The following KCNT2 variants were observed in gnomAD, a reference collection of about 807,000 sequenced individuals.
The protein encoded by KCNT2 is potassium channel subfamily T member 2.
In KCNT2, 67 loss-of-function variants were observed where a neutral mutation model predicts 153.8. The observed-to-expected ratio is 0.44, with a 90% CI of 0.36 to 0.53. The LOEUF is 0.53. KCNT2 is among the 20% of genes least tolerant of loss of function. The probability of loss-of-function intolerance (pLI) is 0.00; values close to 1 mark genes in which losing one functional copy is unlikely to be tolerated. For synonymous variants in KCNT2, 500 were observed against 458.8 expected, an observed-to-expected ratio of 1.09 and a Z score of -1.15; for missense variants, 975 against 1,354.8, an observed-to-expected ratio of 0.72 and a Z score of 4.40.
At chr1:196,419,489 C>T (rs1673023950) in intron 12 of KCNT2, among the ~76,000 whole-genome samples, 1 of 151,376 alleles carries the variant, frequency 6.6e-6, no homozygotes, top group African/African-American at 2.4e-5. Flanking sequence ...CAGCTGCATC[C>T]ATGTCCCTAC....
At chr1:196,416,067 C>T (rs1672729536) in intron 12 of KCNT2, among the ~76,000 whole-genome samples, 1 of 151,664 alleles carries the variant, frequency 6.6e-6, no homozygotes, top group Admixed American at 6.6e-5. Context: ...CTCCATCCCA[C>T]CCTGTCCCAC....
chr1:196,561,440 T>A (rs958994349), intron 1 of KCNT2, among the ~76,000 whole-genome samples: 7 of 151,176 alleles, frequency 4.6e-5, no homozygotes, highest in Admixed American at 1.3e-4. Context: ...ATCTCATATA[T>A]AAGATCAATA....
intron 8 of KCNT2, among the ~76,000 whole-genome samples, chr1:196,449,831 G>T (rs1328298378): frequency 6.6e-6 from 1 of 151,552 alleles, no homozygotes; most frequent in African/African-American, 2.4e-5. Context: ...AATAAAAAAT[G>T]AAGAATTTTA....
At chr1:196,379,880 G>GAA (rs1669328350) in intron 13 of KCNT2, among the ~76,000 whole-genome samples, 1 of 151,732 alleles carries the variant, frequency 6.6e-6, no homozygotes, top group African/African-American at 2.4e-5. Flanking sequence ...ATTGTCTGAG[G>GAA]AAAAAAATAG....
At chr1:196,594,452 G>T (rs1663802545) in intron 1 of KCNT2, among the ~76,000 whole-genome samples, 1 of 151,974 alleles carries the variant, frequency 6.6e-6, no homozygotes, top group African/African-American at 2.4e-5. Flanking sequence ...TATATTCATA[G>T]CTGTGACATA....
At chr1:196,340,260 A>G (rs904582634) in intron 16 of KCNT2, 81 bp downstream of exon 16, 22 of 898,442 alleles carry the variant, frequency 2.4e-5, no homozygotes, top group Non-Finnish European at 3.1e-5. Flanking sequence ...ACTTTTAATA[A>G]AAATTTAAAT....
intron 6 of KCNT2, 131 bp downstream of exon 6, chr1:196,468,863 A>T (rs1342105118): frequency 3.2e-6 from 2 of 619,282 alleles, no homozygotes; most frequent in Non-Finnish European, 5.8e-6. Context: ...CTTGTTGCTT[A>T]GTATCATGAT....
At chr1:196,601,357 G>A (rs989837156) in intron 1 of KCNT2, among the ~76,000 whole-genome samples, 1 of 152,066 alleles carries the variant, frequency 6.6e-6, no homozygotes, top group Non-Finnish European at 1.5e-5. Flanking sequence ...AATTAAGTTC[G>A]CATATGTATT....
chr1:196,554,278 A>C (rs1658344318), intron 1 of KCNT2, among the ~76,000 whole-genome samples: 1 of 151,238 alleles, frequency 6.6e-6, no homozygotes, highest in African/African-American at 2.4e-5. Context: ...CTAAGAAAAA[A>C]GAGAGAAAAA....
At chr1:196,398,056 A>T (rs1023571908) in intron 13 of KCNT2, among the ~76,000 whole-genome samples, 5 of 151,478 alleles carry the variant, frequency 3.3e-5, no homozygotes, top group African/African-American at 1.2e-4. Context: ...TACCTTCAAA[A>T]AAGTTCACAT....
At chr1:196,338,965 A>G (rs1001832888) in intron 16 of KCNT2, among the ~76,000 whole-genome samples, 1 of 151,280 alleles carries the variant, frequency 6.6e-6, no homozygotes, top group Admixed American at 6.6e-5. Context: ...AAAAAAAAAA[A>G]AAAAAAAAAG....
intron 12 of KCNT2, among the ~76,000 whole-genome samples, chr1:196,401,517 T>G (rs951651206): frequency 2.0e-5 from 3 of 151,770 alleles, no homozygotes; most frequent in Non-Finnish European, 4.4e-5. Flanking sequence ...TAAAGTATTT[T>G]TAGATTAAAA....
chr1:196,233,347 A>G (rs942683546), intron 27 of KCNT2, among the ~76,000 whole-genome samples: 2 of 151,452 alleles, frequency 1.3e-5, no homozygotes, highest in Non-Finnish European at 3.0e-5. Context: ...GGTGCATTTT[A>G]GGAATCTTTT....
intron 8 of KCNT2, among the ~76,000 whole-genome samples, chr1:196,463,501 A>T (rs1342261157): frequency 6.6e-6 from 1 of 151,798 alleles, no homozygotes; most frequent in African/African-American, 2.4e-5. Context: ...ACTTAATGTT[A>T]TGTAATTATT....
chr1:196,397,228 T>C (rs182662884), intron 13 of KCNT2, among the ~76,000 whole-genome samples: 5 of 151,542 alleles, frequency 3.3e-5, no homozygotes, highest in Admixed American at 2.6e-4. Flanking sequence ...TTCAAAAATT[T>C]TGTCATAGCA....
At chr1:196,546,817 T>C (rs1329277292) in intron 1 of KCNT2, among the ~76,000 whole-genome samples, 1 of 151,998 alleles carries the variant, frequency 6.6e-6, no homozygotes, top group African/African-American at 2.4e-5. Context: ...TCAAGAAAAC[T>C]TGAATCATCA....
chr1:196,562,785 C>T (rs897687608), intron 1 of KCNT2, among the ~76,000 whole-genome samples: 19 of 151,394 alleles, frequency 1.3e-4, no homozygotes, highest in South Asian at 2.1e-4. Context: ...AATCAATGTC[C>T]GCTATTGACA....
In KCNT2 at chr1:196,290,021, C is replaced by T. The variant is rs943300648; in HGVS notation, c.2596-4263G>A. Among the ~76,000 whole-genome samples, 8 of 151,788 alleles carry T rather than the reference C, an allele frequency of 5.3e-5. No homozygotes were observed. In the South Asian group the frequency reaches 1.0e-3, roughly 20 times the overall value. On this transcript the variant is annotated intron_variant, in intron 22 of 27. Coordinates refer to ENST00000294725, the MANE Select transcript of KCNT2 (RefSeq NM_198503.5). Reference sequence around the variant, plus strand: ...TGGCAGAAATTTTGTTTCCTTTAATCTGTGTCCATCAATACCATATGGAAT... The same window carrying T: ...TGGCAGAAATTTTGTTTCCTTTAATTTGTGTCCATCAATACCATATGGAAT...
At chr1:196,285,178 C>CTT (rs1159696222) in intron 23 of KCNT2, among the ~76,000 whole-genome samples, 16 of 152,110 alleles carry the variant, frequency 1.1e-4, no homozygotes, top group Non-Finnish European at 5.9e-5. Context: ...TTGTTGTAGT[C>CTT]TTTTCATATT....
Sources: allele counts gnomAD v4.1 joint callset (sites outside exome capture counted in the v4.1 genomes callset), GRCh38; gene constraint gnomAD v4.1.1; transcripts MANE v1.5; gene names NCBI Gene and HGNC (gene_info 2026-07-23, HGNC 2026-07-21).